The following STK3 variants were observed in gnomAD, a reference collection of about 807,000 sequenced individuals.
The protein encoded by STK3 is serine/threonine-protein kinase 3.
STK3 carries 41 observed loss-of-function variants against 58.0 expected under a neutral mutation model. The ratio of observed to expected loss-of-function variants is 0.71; its 90% CI spans 0.55 to 0.92. The LOEUF (loss-of-function observed/expected upper bound fraction) is 0.92, where lower values mean the gene tolerates loss of function less well. STK3 is among the 40% of genes least tolerant of loss of function. The pLI is 0.00. For missense variants in STK3, 479 were observed against 602.7 expected, an observed-to-expected ratio of 0.79 and a Z score of 2.15; for synonymous variants, 170 against 191.0, an observed-to-expected ratio of 0.89 and a Z score of 0.91.
chr8:98,840,075 C>T (rs1034188965), intron 3 of STK3, among the ~76,000 whole-genome samples: 2 of 151,730 alleles, frequency 1.3e-5, no homozygotes, highest in Non-Finnish European at 2.9e-5. Flanking sequence ...GGCTGGGTGC[C>T]GTGGCTAACA....
chr8:98,362,326 G>C, the STK3 span, among the ~76,000 whole-genome samples: 2 of 152,170 alleles, frequency 1.3e-5, no homozygotes, highest in East Asian at 3.9e-4. Context: ...GGGTAAGAGA[G>C]AGTGGGCTCA....
intron 6 of STK3, among the ~76,000 whole-genome samples, chr8:98,635,062 GA>G (rs553614803): frequency 2.0e-5 from 3 of 149,826 alleles, no homozygotes; most frequent in African/African-American, 4.9e-5. Flanking sequence ...ATGGGTAGGA[GA>G]AAAAAAAACA....
chr8:98,578,112 T>C (rs895996756), intron 8 of STK3, among the ~76,000 whole-genome samples: 4 of 152,142 alleles, frequency 2.6e-5, no homozygotes, highest in Non-Finnish European at 5.9e-5. Flanking sequence ...AAAGTGCCTT[T>C]GAAACCACAA....
At chr8:98,378,978 C>T (rs1262527738) in intron 2 of STK3, among the ~76,000 whole-genome samples, 1 of 152,108 alleles carries the variant, frequency 6.6e-6, no homozygotes, top group Non-Finnish European at 1.5e-5. Flanking sequence ...GGGGAGGAAG[C>T]TAGGGCAGAC....
intron 6 of STK3, among the ~76,000 whole-genome samples, chr8:98,658,131 A>G (rs999668109): frequency 6.6e-6 from 1 of 152,094 alleles, no homozygotes; most frequent in Non-Finnish European, 1.5e-5. Context: ...ATGAATTTGT[A>G]TGATGGCATG....
chr8:98,705,277 G>A (rs1347214690), intron 6 of STK3, among the ~76,000 whole-genome samples: 1 of 151,974 alleles, frequency 6.6e-6, no homozygotes, highest in Admixed American at 6.6e-5. Context: ...GTTGGGCATG[G>A]TGGTGCATAC....
intron 4 of STK3, among the ~76,000 whole-genome samples, chr8:98,721,313 CA>C (rs1168458345): frequency 6.6e-6 from 1 of 151,978 alleles, no homozygotes; most frequent in Non-Finnish European, 1.5e-5. Context: ...TTTGTCTACA[CA>C]AAAACTTAAA....
At chr8:98,921,241 G>A (rs1839546905) in intron 1 of STK3, 1 of 150,712 alleles carries the variant, frequency 6.6e-6, no homozygotes. Context: ...TATCTTCAGG[G>A]TCTGGCTCAG....
rs151337358 is a variant in STK3, at chr8:98,417,116, G to A, written n.484-15603C>T. Among the ~76,000 whole-genome samples the A allele has an allele frequency of 2.0e-5, 3 of 152,338 alleles. No individual in the cohort carries two copies. The East Asian group carries it at 5.8e-4, about 29-fold the overall frequency. On this transcript the variant is annotated intron_variant and non_coding_transcript_variant, in intron 3 of 3. Coordinates refer to the STK3 transcript ENST00000517832. ...CAGAGCAGAGCTGAGTGCTGGGGAGGTGTTCAGGAACCTCTTGTCTTGAAA... is the reference window on the plus strand; with the variant it reads ...CAGAGCAGAGCTGAGTGCTGGGGAGATGTTCAGGAACCTCTTGTCTTGAAA...
chr8:98,575,016 C>T (rs757698394), intron 8 of STK3, among the ~76,000 whole-genome samples: 9 of 151,738 alleles, frequency 5.9e-5, no homozygotes, highest in Non-Finnish European at 1.0e-4. Context: ...ATTGGCTATT[C>T]GGGGTGGTGG....
chr8:98,598,811 C>T (rs944769327), intron 6 of STK3: 1 of 985,294 alleles, frequency 1.0e-6, no homozygotes, highest in Non-Finnish European at 1.2e-6. Flanking sequence ...TTTGTTTCTA[C>T]ACAATGTGTT....
intron 6 of STK3, among the ~76,000 whole-genome samples, chr8:98,698,105 C>T (rs1301403155): frequency 2.6e-5 from 4 of 152,000 alleles, no homozygotes; most frequent in South Asian, 2.1e-4. Context: ...TTGATCCCTT[C>T]ACCATTATGT....
Position 98,378,973 on chromosome 8 carries a change from G to A in STK3, n.111+180C>T, listed in dbSNP as rs574566679. ...AACCCTGTGGTGTTTGGGGTGGGGA[G>A]GAAGCTAGGGCAGACCCAGGGTCCC... On this transcript the variant is annotated intron_variant and non_coding_transcript_variant, in intron 2 of 2. Transcript: ENST00000518704. Among the ~76,000 whole-genome samples the A allele has an allele frequency of 7.9e-5, 12 of 152,270 alleles. No individual in the cohort carries two copies. In the South Asian group the frequency reaches 2.5e-3, roughly 32 times the overall value.
At chr8:98,810,350 C>G (rs1426148539) in intron 1 of STK3, among the ~76,000 whole-genome samples, 2 of 152,076 alleles carry the variant, frequency 1.3e-5, no homozygotes, top group Non-Finnish European at 2.9e-5. Context: ...ACACTGTTTC[C>G]CACAGTGGGT....
At chr8:98,878,349 A>C (rs1182452030) in intron 3 of STK3, among the ~76,000 whole-genome samples, 3 of 152,196 alleles carry the variant, frequency 2.0e-5, no homozygotes, top group Non-Finnish European at 4.4e-5. Context: ...ACAAAGAATC[A>C]ATATGTCAGT....
chr8:98,418,156 C>G (rs926711127), intron 3 of STK3, among the ~76,000 whole-genome samples: 1 of 152,206 alleles, frequency 6.6e-6, no homozygotes, highest in Non-Finnish European at 1.5e-5. Context: ...AAGTGATTTT[C>G]CGACCCTGGC....
intron 6 of STK3, among the ~76,000 whole-genome samples, chr8:98,695,313 G>T (rs1824795161): frequency 6.6e-6 from 1 of 152,086 alleles, no homozygotes; most frequent in Non-Finnish European, 1.5e-5. Context: ...TCACTCTGAT[G>T]GTAGTTTCTT....
At chr8:98,363,810 C>A in the STK3 span, among the ~76,000 whole-genome samples, 2,053 of 152,186 alleles carry the variant, frequency 0.013, 47 homozygotes, top group African/African-American at 0.047. Flanking sequence ...GTGATGTCAC[C>A]GCGGAGATTT....
chr8:98,399,956 C>T (rs981431316), downstream of STK3, among the ~76,000 whole-genome samples: 2 of 152,230 alleles, frequency 1.3e-5, no homozygotes, highest in African/African-American at 2.4e-5. Context: ...CCACCTTCCA[C>T]TGCCCATTGA....
Sources: gnomAD v4.1 joint callset for allele counts (sites outside exome capture counted in the v4.1 genomes callset) on GRCh38, gnomAD v4.1.1 for gene constraint, MANE v1.5 for transcripts, NCBI Gene and HGNC (gene_info 2026-07-23, HGNC 2026-07-21) for gene names.